Variants in BNC2 observed in about 807,000 individuals in gnomAD.
BNC2 encodes basonuclin zinc finger protein 2.
Under a neutral mutation model 76.3 loss-of-function variants are expected in BNC2, and 20 were observed. That is an observed-to-expected ratio of 0.26 (90% CI 0.18 to 0.38). The LOEUF (loss-of-function observed/expected upper bound fraction) is 0.38. Among genes scored for constraint, BNC2 ranks in the 10% least tolerant of loss-of-function variants. BNC2 has a pLI of 1.00. For missense variants in BNC2, 1,382 were observed against 1,399.8 expected (o/e 0.99, Z 0.20); for synonymous variants, 582 against 514.8 (o/e 1.13, Z -1.77).
chr9:16,484,880 G>A (rs76697560), intron 5 of BNC2, among the ~76,000 whole-genome samples: 2,128 of 152,268 alleles, frequency 0.014, 55 homozygotes, highest in African/African-American at 0.048. Flanking sequence ...AGTGATGGGG[G>A]AGATTACTAA....
intron 5 of BNC2, among the ~76,000 whole-genome samples, chr9:16,442,029 C>T (rs146989811): frequency 6.6e-6 from 1 of 152,290 alleles, no homozygotes; most frequent in East Asian, 1.9e-4. Context: ...TCTTGGCCCT[C>T]CCTGCAATTT....
chr9:16,786,283 A>AAGGACG (rs1563942659), intron 1 of BNC2, among the ~76,000 whole-genome samples: 1 of 152,016 alleles, frequency 6.6e-6, no homozygotes, highest in East Asian at 1.9e-4. Flanking sequence ...TGGGAAGGAC[A>AAGGACG]GTCTTAATTA....
intron 1 of BNC2, among the ~76,000 whole-genome samples, chr9:16,816,975 C>G (rs1356313402): frequency 6.6e-6 from 1 of 152,212 alleles, no homozygotes; most frequent in Non-Finnish European, 1.5e-5. Context: ...CACTGGCCAT[C>G]TCTCTCCAGC....
chr9:16,430,632 G>A (rs1458309559), intron 6 of BNC2, among the ~76,000 whole-genome samples: 5 of 152,298 alleles, frequency 3.3e-5, no homozygotes, highest in African/African-American at 7.2e-5. Context: ...ATCAGAGGTA[G>A]CTCATGTTAA....
chr9:16,805,192 T>C (rs1009812196), intron 1 of BNC2, among the ~76,000 whole-genome samples: 1 of 152,198 alleles, frequency 6.6e-6, no homozygotes, highest in Non-Finnish European at 1.5e-5. Context: ...AGAGAACACA[T>C]GCCATCTTTA....
In BNC2 at chr9:16,821,004, G is replaced by A. The variant is rs181123677; in HGVS notation, c.3+49642C>T. On this transcript the variant is annotated intron_variant, in intron 1 of 6. Transcript: ENST00000380672. ...TCCCAGAACGTTGGGAGGCCGAGGCGGGTGGATCACTTGAGGCCAGGAATT... is the reference window on the plus strand; with the variant it reads ...TCCCAGAACGTTGGGAGGCCGAGGCAGGTGGATCACTTGAGGCCAGGAATT... 1.4e-3 allele frequency among the ~76,000 whole-genome samples: 210 copies of A among 152,052 alleles called. 1 individual carries two copies. Among genetic ancestry groups the A allele is most frequent in the African/African-American group, 4.8e-3 (198 of 41,502 alleles).
At chr9:16,585,539 T>C (rs1473937551) in intron 3 of BNC2, among the ~76,000 whole-genome samples, 1 of 152,182 alleles carries the variant, frequency 6.6e-6, no homozygotes, top group Non-Finnish European at 1.5e-5. Context: ...ATTATATATA[T>C]TTAAACAATA....
At chr9:16,471,021 GC>G (rs1443446491) in intron 5 of BNC2, among the ~76,000 whole-genome samples, 2 of 152,182 alleles carry the variant, frequency 1.3e-5, no homozygotes, top group African/African-American at 4.8e-5. Context: ...CATGAAAGCA[GC>G]TGGGAGGGAG....
chr9:16,523,756 C>T (rs1246044552), intron 5 of BNC2, among the ~76,000 whole-genome samples: 1 of 151,942 alleles, frequency 6.6e-6, no homozygotes, highest in Non-Finnish European at 1.5e-5. Context: ...GAAACCCTGT[C>T]TCTACTAAAA....
intron 3 of BNC2, among the ~76,000 whole-genome samples, chr9:16,689,722 C>T (rs905111748): frequency 6.6e-6 from 1 of 151,422 alleles, no homozygotes; most frequent in Non-Finnish European, 1.5e-5. Flanking sequence ...TGGCTAGGTA[C>T]AAGCACTGCC....
chr9:16,651,506 G>A (rs1445932511), intron 3 of BNC2, among the ~76,000 whole-genome samples: 1 of 152,150 alleles, frequency 6.6e-6, no homozygotes, highest in Non-Finnish European at 1.5e-5. Flanking sequence ...CCCTCCACCA[G>A]TCACTTGTCC....
At chr9:16,855,291 G>C (rs566025900) in intron 1 of BNC2, among the ~76,000 whole-genome samples, 11 of 152,304 alleles carry the variant, frequency 7.2e-5, no homozygotes, top group Middle Eastern at 3.4e-3. Flanking sequence ...ATTCTTTTAA[G>C]ATAATGAATA....
In BNC2 at chr9:16,704,550, C is replaced by A. The variant is rs1347304199; in HGVS notation, c.330+23247G>T. On this transcript the variant is annotated intron_variant, in intron 3 of 6. Transcript: ENST00000380672. Reference sequence around the variant, plus strand: ...TGAATTAGCATGGTTGGATTTAGCCCTTCTAAATGCCAAAAAGGAAAAAAA... The same window carrying A: ...TGAATTAGCATGGTTGGATTTAGCCATTCTAAATGCCAAAAAGGAAAAAAA... Among the ~76,000 whole-genome samples, 5 of 137,590 alleles carry A rather than the reference C, an allele frequency of 3.6e-5. No homozygotes were observed. The South Asian group carries it at 6.8e-4, about 19-fold the overall frequency. The allele number at this position is 137,590 out of a possible 152,430, so 90.3% of individuals were successfully genotyped here.
chr9:16,498,143 T>A (rs1458296263), intron 5 of BNC2, among the ~76,000 whole-genome samples: 1 of 116,594 alleles, frequency 8.6e-6, no homozygotes, highest in South Asian at 2.7e-4. Flanking sequence ...ATATATTCTA[T>A]CATATATATT....
intron 3 of BNC2, among the ~76,000 whole-genome samples, chr9:16,630,105 C>A (rs1821118715): frequency 6.6e-6 from 1 of 152,162 alleles, no homozygotes. Flanking sequence ...GCAGTAAAGC[C>A]AAGTGCAATA....
At chr9:16,622,886 T>C (rs978541483) in intron 3 of BNC2, among the ~76,000 whole-genome samples, 1 of 152,132 alleles carries the variant, frequency 6.6e-6, no homozygotes, top group Non-Finnish European at 1.5e-5. Flanking sequence ...AAAAACCTTA[T>C]TATTTTTATT....
At chr9:16,671,188 C>T (rs995330546) in intron 3 of BNC2, among the ~76,000 whole-genome samples, 13 of 152,242 alleles carry the variant, frequency 8.5e-5, no homozygotes, top group Admixed American at 2.0e-4. Context: ...TAGGATCCTC[C>T]CTAAACAAAA....
rs140367901 is a variant in BNC2, at chr9:16,482,131, C to A, written c.670-44607G>T. Among the ~76,000 whole-genome samples, 1,056 of 152,182 alleles carry A rather than the reference C, an allele frequency of 6.9e-3. 15 individuals carry two copies. The highest frequency in any genetic ancestry group is 0.024 in the African/African-American group (999 of 41,502). ...GTAATAATAGAAGACCAATATATGTCAATAATAACTAATGTTCACTGATAC... is the reference window on the plus strand; with the variant it reads ...GTAATAATAGAAGACCAATATATGTAAATAATAACTAATGTTCACTGATAC... On this transcript the variant is annotated intron_variant, in intron 5 of 6. Transcript: ENST00000380672.
At chr9:16,539,113 TTGTC>T (rs1442862830) in intron 5 of BNC2, among the ~76,000 whole-genome samples, 3 of 152,152 alleles carry the variant, frequency 2.0e-5, no homozygotes, top group Non-Finnish European at 4.4e-5. Context: ...GAGGGGCATG[TTGTC>T]TGTCTGTTTA....
Sources: allele counts gnomAD v4.1 joint callset (sites outside exome capture counted in the v4.1 genomes callset), GRCh38; gene constraint gnomAD v4.1.1; transcripts MANE v1.5; gene names NCBI Gene and HGNC (gene_info 2026-07-23, HGNC 2026-07-21).